Variants in NFATC1 observed in about 807,000 individuals in gnomAD.
NFATC1 encodes the protein nuclear factor of activated T-cells, cytoplasmic 1.
In NFATC1, 22 loss-of-function variants were observed where a neutral mutation model predicts 76.0. That is an observed-to-expected ratio of 0.29 (90% CI 0.21 to 0.41). NFATC1 has a LOEUF of 0.41. Among genes scored for constraint, NFATC1 ranks in the 10% least tolerant of loss-of-function variants. NFATC1 has a pLI of 1.00. For missense variants in NFATC1, 1,357 were observed against 1,337.7 expected, an observed-to-expected ratio of 1.01 and a Z score of -0.23; for synonymous variants, 704 against 613.1, an observed-to-expected ratio of 1.15 and a Z score of -2.19.
intron 3 of NFATC1, among the ~76,000 whole-genome samples, chr18:79,446,703 GGGGGCTCTATTGGAAAGGGAA>G (rs2087220984): frequency 6.6e-6 from 1 of 152,194 alleles, no homozygotes; most frequent in African/African-American, 2.4e-5. Context: ...ATATGGGAAG[GGGGGCTCTATTGGAAAGGGAA>G]GGGCTTTTTG....
chr18:79,453,186 T>G (rs1350518070), intron 6 of NFATC1, among the ~76,000 whole-genome samples: 2 of 152,234 alleles, frequency 1.3e-5, no homozygotes, highest in Non-Finnish European at 2.9e-5. Context: ...GGAGAAACAC[T>G]TCGCCCACAG....
At chr18:79,436,112 T>A (rs2086764803) in intron 3 of NFATC1, among the ~76,000 whole-genome samples, 1 of 152,204 alleles carries the variant, frequency 6.6e-6, no homozygotes, top group South Asian at 2.1e-4. Flanking sequence ...AATAGAAAGC[T>A]CTCAGTTGCC....
At chr18:79,412,783 G>T (rs1051148186) in intron 2 of NFATC1, among the ~76,000 whole-genome samples, 1 of 152,234 alleles carries the variant, frequency 6.6e-6, no homozygotes, top group Non-Finnish European at 1.5e-5. Flanking sequence ...CTTTCTACTG[G>T]CGTGATACTT....
At chr18:79,484,530 T>G (rs538456537) in intron 8 of NFATC1, among the ~76,000 whole-genome samples, 123 of 151,774 alleles carry the variant, frequency 8.1e-4, no homozygotes, top group African/African-American at 2.9e-3. Context: ...TAAACCTCGA[T>G]CTCCCCACTC....
At chr18:79,473,065 A>C (rs1213025835) in intron 8 of NFATC1, among the ~76,000 whole-genome samples, 1 of 152,214 alleles carries the variant, frequency 6.6e-6, no homozygotes, top group African/African-American at 2.4e-5. Flanking sequence ...GTTTCAGCCC[A>C]GCTCTGCCGC....
chr18:79,482,664 GTGACCTGGTCCTGGGGTGTAATTCCAGCA>G lies in NFATC1; in HGVS notation c.2093-3574_2093-3546del, dbSNP rs2089327774. 2.8e-4 allele frequency among the ~76,000 whole-genome samples: 32 copies of G among 115,290 alleles called. 1 individual carries two copies. In the Admixed American group the frequency reaches 2.9e-3, roughly 11 times the overall value. 75.6% of individuals were successfully genotyped at this position (115,290 alleles called of 152,430 possible). On this transcript the variant is annotated intron_variant, in intron 8 of 9. Coordinates refer to ENST00000427363, the MANE Select transcript of NFATC1 (RefSeq NM_001278669.2). Reference sequence around the variant, plus strand: ...CTCGTTCCTGGGGTGTAATTCCAGCGTGACCTGGTCCTGGGGTGTAATTCCAGCATGACCTGGTTCCTGGGGTGTAATTC... The same window carrying G: ...CTCGTTCCTGGGGTGTAATTCCAGCGTGACCTGGTTCCTGGGGTGTAATTC...
chr18:79,446,478 T>C (rs1236484538), intron 3 of NFATC1, among the ~76,000 whole-genome samples: 1 of 152,070 alleles, frequency 6.6e-6, no homozygotes, highest in African/African-American at 2.4e-5. Context: ...TCTCGGAAAA[T>C]GGAATACTGC....
chr18:79,473,147 G>A lies in NFATC1; in HGVS notation c.2092+5565G>A, dbSNP rs568275021. On this transcript the variant is annotated intron_variant, in intron 8 of 9. Coordinates refer to ENST00000427363, the MANE Select transcript of NFATC1 (RefSeq NM_001278669.2). ...ATTTCCAGCCCACAGCGTGGCCTGC[G>A]CCACGCTCCAGGTCGCCACAGGGGT... is the stretch of plus-strand genomic sequence containing the variant. Among the ~76,000 whole-genome samples the A allele has an allele frequency of 8.5e-5, 13 of 152,342 alleles. 1 individual carries two copies. The South Asian group carries it at 2.5e-3, about 29-fold the overall frequency.
chr18:79,448,739 T>C, intron 3 of NFATC1, 43 bp from the exon 4 acceptor site: 1 of 1,586,138 alleles, frequency 6.3e-7, no homozygotes, highest in South Asian at 1.1e-5. Context: ...CCCGGCGGTC[T>C]GTGCTCTGGG....
intron 9 of NFATC1, chr18:79,496,189 G>T (rs2089881027): frequency 6.6e-6 from 1 of 152,660 alleles, no homozygotes; most frequent in African/African-American, 2.4e-5. Flanking sequence ...AAATCAAGTT[G>T]CCTAGCTTCC....
chr18:79,448,760 G>C, intron 3 of NFATC1, 22 bp from the exon 4 acceptor site: 1 of 1,609,282 alleles, frequency 6.2e-7, no homozygotes. Context: ...TGCTGAGCAG[G>C]TGTTTTCTGT....
At chr18:79,473,547 TAAACCTG>T (rs1046945669) in intron 8 of NFATC1, among the ~76,000 whole-genome samples, 1 of 150,260 alleles carries the variant, frequency 6.7e-6, no homozygotes, top group Non-Finnish European at 1.5e-5. Flanking sequence ...ACTGTCGACG[TAAACCTG>T]AGGGAAGCGT....
chr18:79,407,601 C>G (rs2085487055), intron 1 of NFATC1, among the ~76,000 whole-genome samples: 1 of 152,208 alleles, frequency 6.6e-6, no homozygotes, highest in South Asian at 2.1e-4. Context: ...GCGTGCGCCA[C>G]CATGCCTGGC....
intron 3 of NFATC1, among the ~76,000 whole-genome samples, chr18:79,439,478 C>T (rs3826567): frequency 0.14 from 20,885 of 152,232 alleles, 2,104 homozygotes; most frequent in African/African-American, 0.27. Flanking sequence ...GCAGGAGGCA[C>T]GGATTAATTT....
chr18:79,507,432 A>T (rs1268672943), intron 9 of NFATC1, among the ~76,000 whole-genome samples: 1 of 152,238 alleles, frequency 6.6e-6, no homozygotes, highest in African/African-American at 2.4e-5. Context: ...CCCCACAGAC[A>T]TGGGGCTGAC....
At chr18:79,402,168 C>T (rs1279185655) in intron 1 of NFATC1, among the ~76,000 whole-genome samples, 1 of 152,354 alleles carries the variant, frequency 6.6e-6, no homozygotes, top group East Asian at 1.9e-4. Context: ...CCGCCGGCGG[C>T]GGCATCCTCC....
rs539327096 is a variant in NFATC1 at position 79,419,753 on chromosome 18, G to A, written c.1226+8252G>A. ...AAACAGGATTTGCTCCTGCGCCAACGTTGGCTTTTGAGCAGCGGGATAGGT... is the reference window on the plus strand; with the variant it reads ...AAACAGGATTTGCTCCTGCGCCAACATTGGCTTTTGAGCAGCGGGATAGGT... On this transcript the variant is annotated intron_variant, in intron 2 of 9. Transcript: ENST00000427363. 5.3e-4 allele frequency among the ~76,000 whole-genome samples: 80 copies of A among 152,320 alleles called. 1 individual carries two copies. The South Asian group carries it at 7.7e-3, about 15-fold the overall frequency.
rs1334560175 is a variant in NFATC1 at position 79,465,988 on chromosome 18, G to T, written c.1960-1462G>T. Among the ~76,000 whole-genome samples, 1 of 152,218 alleles carries T rather than the reference G, an allele frequency of 6.6e-6. No homozygotes were observed. Among genetic ancestry groups the T allele is most frequent in the Non-Finnish European group, 1.5e-5 (1 of 68,040 alleles). On this transcript the variant is annotated intron_variant, in intron 7 of 9. Coordinates refer to ENST00000427363, the MANE Select transcript of NFATC1 (RefSeq NM_001278669.2). The surrounding 1 kb of genome is among the most constrained non-coding windows in gnomAD (Gnocchi z 4.2). ...GGCAGGAAGACGCCCATGTGCCATG[G>T]CTTCTGCTTCTTCCCAATGAACTGC...
At chr18:79,439,470 A>C (rs1004685880) in intron 3 of NFATC1, among the ~76,000 whole-genome samples, 9 of 152,254 alleles carry the variant, frequency 5.9e-5, no homozygotes, top group Admixed American at 3.3e-4. Flanking sequence ...GGAGGCCTGC[A>C]GGAGGCACGG....
Sources: gnomAD v4.1 joint callset for allele counts (sites outside exome capture counted in the v4.1 genomes callset) on GRCh38, gnomAD v4.1.1 for gene constraint, Gnocchi (gnomAD v3.1) non-coding constraint, MANE v1.5 for transcripts, NCBI Gene and HGNC (gene_info 2026-07-23, HGNC 2026-07-21) for gene names.